The following TSPAN10 variants were observed in gnomAD, a reference collection of about 807,000 sequenced individuals.
TSPAN10 encodes tetraspanin 10, also known as tetraspanin-10.
TSPAN10 carries 11 observed loss-of-function variants against 15.0 expected under a neutral mutation model. The ratio of observed to expected loss-of-function variants is 0.73; its 90% CI spans 0.46 to 1.21. TSPAN10 has a LOEUF of 1.21. Ranked by LOEUF, TSPAN10 falls within the 50% of genes most tolerant of loss-of-function variation. The pLI is 0.00. For missense variants in TSPAN10, 486 were observed against 470.6 expected, an observed-to-expected ratio of 1.03 and a Z score of -0.30; for synonymous variants, 241 against 226.2, an observed-to-expected ratio of 1.07 and a Z score of -0.59.
downstream of TSPAN10, chr17:81,648,345 C>T: frequency 1.7e-6 from 2 of 1,195,390 alleles, no homozygotes; most frequent in Admixed American, 4.4e-5. Context: ...CAGGGGGCGC[C>T]TCCGCCCGGC....
chr17:81,639,729 A>G (rs2036161254), upstream of TSPAN10, among the ~76,000 whole-genome samples: 1 of 151,156 alleles, frequency 6.6e-6, no homozygotes. Flanking sequence ...CTGTCATCCC[A>G]GCACTTTGAG....
rs373323184 is a variant in TSPAN10 at position 81,648,133 on chromosome 17, C to G, written c.907C>G (p.Leu303Val). The change falls in exon 3 of 3, where the codon CTG becomes GTG. Residue 303 changes from leucine to valine, a missense_variant. Transcript: ENST00000611590. Reference sequence around the variant, plus strand: ...GGGCGGCTACGCAATCGCGGTGGTGCTGCTGCAGGGCGCGGAGCTCCTGCT... The same window carrying G: ...GGGCGGCTACGCAATCGCGGTGGTGGTGCTGCAGGGCGCGGAGCTCCTGCT... 281 of 1,541,732 alleles carry G rather than the reference C, an allele frequency of 1.8e-4. No individual in the cohort carries two copies. In the East Asian group the frequency reaches 2.6e-3, roughly 14 times the overall value.
intron 2 of TSPAN10, 62 bp downstream of exon 3, chr17:81,645,691 G>T: frequency 6.3e-7 from 1 of 1,588,572 alleles, no homozygotes; most frequent in Non-Finnish European, 8.6e-7. Flanking sequence ...ACACACCCTT[G>T]TGCGTGTACA....
At chr17:81,642,391 G>A (rs755947403), upstream of TSPAN10, 2 of 1,613,510 alleles carry the variant, frequency 1.2e-6, no homozygotes, top group East Asian at 2.2e-5. Flanking sequence ...TGTGCTGGGG[G>A]CTTTCTGTTC....
In TSPAN10 at chr17:81,645,407, G is replaced by A. The variant is rs533267022; in HGVS notation, c.452G>A (p.Arg151His). The change falls in exon 2 of 3, where the codon CGT becomes CAT. Residue 151 changes from arginine (R) to histidine (H), a missense_variant. Physicochemically the swap from Arg to His is conservative, Grantham distance 29. Transcript: ENST00000611590. ...CTCTGTGAGAACACCTGCCTGTTAC[G>A]TGGCTTCTCTGGGGGCATCCTTGCC... 8 of 1,603,482 alleles carry A rather than the reference G, an allele frequency of 5.0e-6. No individual in the cohort carries two copies. The highest frequency in any genetic ancestry group is 1.7e-5 in the Admixed American group (1 of 58,784).
upstream of TSPAN10, chr17:81,637,640 A>T (rs1331222230): frequency 4.3e-6 from 2 of 468,946 alleles, no homozygotes; most frequent in Non-Finnish European, 3.9e-6. Context: ...CTCTACTCAA[A>T]ATACAAAATT....
chr17:81,645,251 T>C (rs1291934909), exon 2 of TSPAN10: 1 of 1,535,200 alleles, frequency 6.5e-7, no homozygotes, highest in Non-Finnish European at 8.7e-7. Flanking sequence ...GCCATCGGGC[T>C]CTGGGGCCTG....
chr17:81,641,328 A>G (rs1282098711), upstream of TSPAN10, among the ~76,000 whole-genome samples: 2 of 152,186 alleles, frequency 1.3e-5, no homozygotes, highest in East Asian at 3.9e-4. Flanking sequence ...CTCAGCCTGC[A>G]GCTCTGGTCC....
At chr17:81,640,510 AC>A (rs935716512), upstream of TSPAN10, among the ~76,000 whole-genome samples, 42 of 152,048 alleles carry the variant, frequency 2.8e-4, no homozygotes, top group African/African-American at 1.0e-3. Context: ...GTGCAGCGGC[AC>A]CATCTCGGCT....
upstream of TSPAN10, chr17:81,639,145 T>G (rs1434170023): frequency 6.6e-6 from 1 of 150,622 alleles, no homozygotes; most frequent in Non-Finnish European, 1.5e-5. Context: ...ATCTCAGTTA[T>G]AAGAAAATAT....
chr17:81,647,398 C>T, intron 2 of TSPAN10: 1 of 456,902 alleles, frequency 2.2e-6, no homozygotes, highest in Non-Finnish European at 4.4e-6. Context: ...GTGATGAGAT[C>T]AACACTCCCT....
chr17:81,645,961 C>CCT (rs1290169399), intron 2 of TSPAN10: 2 of 442,566 alleles, frequency 4.5e-6, no homozygotes, highest in Non-Finnish European at 8.1e-6. Flanking sequence ...GGGGTGCTTG[C>CCT]CTCTCCTTGT....
intron 2 of TSPAN10, chr17:81,646,014 C>T (rs943505889): frequency 7.7e-5 from 26 of 339,224 alleles, no homozygotes; most frequent in African/African-American, 4.9e-4. Context: ...GCCCCCAGAA[C>T]GTGCAGGGTG....
upstream of TSPAN10, among the ~76,000 whole-genome samples, chr17:81,640,329 C>A (rs949919341): frequency 6.6e-6 from 1 of 151,212 alleles, no homozygotes; most frequent in Admixed American, 6.6e-5. Context: ...AAGATGGCAC[C>A]TTCTCCCCGA....
downstream of TSPAN10, chr17:81,648,319 G>C: frequency 8.3e-7 from 1 of 1,203,370 alleles, no homozygotes; most frequent in Non-Finnish European, 1.0e-6. Context: ...GTCCGAGACC[G>C]CCACGCACAG....
At chr17:81,648,418 C>A (rs186927596), downstream of TSPAN10, 514 of 934,146 alleles carry the variant, frequency 5.5e-4, 5 homozygotes, top group African/African-American at 8.0e-3. Context: ...GTGACTTCGC[C>A]GCAGGACCTA....
exon 3 of TSPAN10, chr17:81,648,097 C>G (rs867004357): frequency 1.3e-6 from 2 of 1,580,834 alleles, no homozygotes; most frequent in Middle Eastern, 1.7e-4. Context: ...GCGCGCGAAC[C>G]TGGCTGCCTC....
At chr17:81,645,092 G>A in exon 2 of TSPAN10, 1 of 1,591,822 alleles carries the variant, frequency 6.3e-7, no homozygotes, top group Non-Finnish European at 8.5e-7. Context: ...TGGGGCTGCA[G>A]CTGCTGTCCC....
At chr17:81,637,690 T>C (rs531232235), upstream of TSPAN10, 43 of 262,018 alleles carry the variant, frequency 1.6e-4, no homozygotes, top group Non-Finnish European at 2.4e-4. Flanking sequence ...TCCCAGCACT[T>C]TGGGAGGCCG....
Sources: gnomAD v4.1 joint callset for allele counts (sites outside exome capture counted in the v4.1 genomes callset) on GRCh38, gnomAD v4.1.1 for gene constraint, MANE v1.5 for transcripts, NCBI Gene and HGNC (gene_info 2026-07-23, HGNC 2026-07-21) for gene names.